CRYBG3: variants seen among roughly 807,000 people sequenced by gnomAD.
CRYBG3 encodes the protein very large A-kinase anchor protein.
Under a neutral mutation model 244.2 loss-of-function variants are expected in CRYBG3, and 127 were observed. The ratio of observed to expected loss-of-function variants is 0.52; its 90% CI spans 0.45 to 0.60. The LOEUF (loss-of-function observed/expected upper bound fraction) is 0.60. CRYBG3 is among the 20% of genes least tolerant of loss of function. CRYBG3 has a pLI of 0.00. For missense variants in CRYBG3, 3,325 were observed against 3,442.5 expected, an observed-to-expected ratio of 0.97 and a Z score of 0.85; for synonymous variants, 1,132 against 1,195.8, an observed-to-expected ratio of 0.95 and a Z score of 1.10.
chr3:97,934,700 TA>T (rs5851087), intron 18 of CRYBG3, among the ~76,000 whole-genome samples: 73,170 of 151,842 alleles, frequency 0.48, 17,998 homozygotes, highest in East Asian at 0.69. Context: ...TACACTTGTA[TA>T]AATAGCTTAA....
At chr3:97,860,868 C>T (rs934050041) in intron 2 of CRYBG3, among the ~76,000 whole-genome samples, 2 of 151,924 alleles carry the variant, frequency 1.3e-5, no homozygotes, top group Non-Finnish European at 2.9e-5. Flanking sequence ...CTGCGCACAT[C>T]GTATATTGCC....
intron 2 of CRYBG3, among the ~76,000 whole-genome samples, chr3:97,851,026 G>C (rs2038978643): frequency 6.6e-6 from 1 of 151,986 alleles, no homozygotes; most frequent in Non-Finnish European, 1.5e-5. Context: ...CCATTTACTT[G>C]GGAGGCTGAG....
At chr3:97,937,574 A>G (rs1342597403) in intron 19 of CRYBG3, among the ~76,000 whole-genome samples, 1 of 152,016 alleles carries the variant, frequency 6.6e-6, no homozygotes, top group Non-Finnish European at 1.5e-5. Flanking sequence ...CTTCTCTCCC[A>G]ATCTACATTA....
chr3:97,823,881 A>C (rs182582890), intron 1 of CRYBG3, among the ~76,000 whole-genome samples: 190 of 152,300 alleles, frequency 1.2e-3, no homozygotes, highest in African/African-American at 4.5e-3. Flanking sequence ...TTTTTAAGGC[A>C]CTTCTCAATT....
chr3:97,825,796 G>T (rs1302977789), intron 1 of CRYBG3, among the ~76,000 whole-genome samples: 2 of 152,184 alleles, frequency 1.3e-5, no homozygotes, highest in Non-Finnish European at 2.9e-5. Context: ...ATGAGCTGTG[G>T]TGTAGGAGGT....
chr3:97,872,286 C>G lies in CRYBG3; in HGVS notation c.1092C>G (p.His364Gln), dbSNP rs766238937. 1.4e-5 allele frequency: 22 copies of G among 1,535,546 alleles called. No homozygotes were observed. The highest frequency in any genetic ancestry group is 1.8e-5 in the Non-Finnish European group (21 of 1,146,590). ...SSYDGESDSQHHLSCEPVSQT... is the reference protein window; with the variant it reads ...SSYDGESDSQQHLSCEPVSQT... ...ACGATGGAGAATCTGACTCACAGCACCATTTAAGTTGTGAACCGGTTTCTC... is the reference window on the plus strand; with the variant it reads ...ACGATGGAGAATCTGACTCACAGCAGCATTTAAGTTGTGAACCGGTTTCTC... The change falls in exon 4 of 22, where the codon CAC becomes CAG. Residue 364 changes from histidine to glutamine, a missense_variant. Transcript: ENST00000389622.
chr3:97,911,459 A>C (rs1270468736), intron 15 of CRYBG3, among the ~76,000 whole-genome samples: 2 of 152,238 alleles, frequency 1.3e-5, no homozygotes, highest in East Asian at 3.8e-4. Flanking sequence ...TTTCTTGACA[A>C]AATTGACTAA....
At position 97,873,365 on chromosome 3, in the gene CRYBG3, A is replaced by G; in HGVS notation, c.2171A>G (p.Glu724Gly). The G allele has an allele frequency of 6.5e-7, 1 of 1,535,926 alleles. No individual in the cohort carries two copies. The highest frequency in any genetic ancestry group is 8.7e-7 in the Non-Finnish European group (1 of 1,146,810). ...AGTCCTCCTCCTTCCTTTTGCCTTG[A>G]ATATACATCTGCAATTTTTGAATTC... Reference protein sequence around the residue: ...RKSPPPSFCLEYTSAIFEFKE... With the variant: ...RKSPPPSFCLGYTSAIFEFKE... Residue 724 changes from glutamate to glycine, a missense_variant, in exon 4 of 22, where the codon GAA becomes GGA. Glu to Gly is a moderately conservative substitution (Grantham distance 98). Transcript: ENST00000389622.
Position 97,822,031 on chromosome 3 carries a change from G to T in CRYBG3, c.-176G>T, listed in dbSNP as rs972826674. ...GCAGCGGCGTGAGGAGCTGCCGCGC[G>T]AGGAGCGCGTCGCGTCCGCACTTCT... On this transcript the variant is annotated 5_prime_UTR_variant, in exon 1 of 22. Transcript: ENST00000389622. The T allele has an allele frequency of 2.0e-5, 9 of 448,314 alleles. No homozygotes were observed. Among genetic ancestry groups the T allele is most frequent in the East Asian group, 1.1e-4 (3 of 28,028 alleles). 27.8% of individuals were successfully genotyped at this position (448,314 alleles called of 1,614,324 possible).
chr3:97,884,181 C>T (rs921443388), intron 7 of CRYBG3, among the ~76,000 whole-genome samples: 1 of 152,046 alleles, frequency 6.6e-6, no homozygotes, highest in African/African-American at 2.4e-5. Context: ...ACAGGTATAG[C>T]GAATAACCTC....
chr3:97,936,991 T>A, intron 19 of CRYBG3, 83 bp downstream of exon 19: 1 of 1,474,394 alleles, frequency 6.8e-7, no homozygotes, highest in South Asian at 1.3e-5. Flanking sequence ...GAAATAATGA[T>A]CATTTAATTT....
chr3:97,922,404 C>A (rs1390483353), intron 17 of CRYBG3, among the ~76,000 whole-genome samples: 1 of 152,132 alleles, frequency 6.6e-6, no homozygotes, highest in Non-Finnish European at 1.5e-5. Context: ...AGCAGGCAAC[C>A]TACAGAATGG....
chr3:97,941,432 A>C (rs773772460), intron 20 of CRYBG3, 126 bp downstream of exon 20: 17 of 606,716 alleles, frequency 2.8e-5, no homozygotes, highest in Non-Finnish European at 4.7e-5. Flanking sequence ...GTTGATTATA[A>C]AAATACTGCC....
At chr3:97,943,141 AGCT>A (rs2040268879) in intron 21 of CRYBG3, 82 bp from the exon 22 acceptor site, 15 of 730,722 alleles carry the variant, frequency 2.1e-5, no homozygotes, top group Non-Finnish European at 3.3e-5. Flanking sequence ...CGAAATGGTG[AGCT>A]GAACAGAAGC....
Position 97,876,836 on chromosome 3 carries a change from C to T in CRYBG3, c.5642C>T (p.Thr1881Ile). The change falls in exon 4 of 22, where the codon ACT becomes ATT. Residue 1881 changes from threonine to isoleucine, a missense_variant. This residue lies in a region of CRYBG3 where 635 missense variants were observed against 771.7 expected (regional missense o/e 0.82). Transcript: ENST00000389622. ...KIHGTGLELT[T>I]KQGEAMLPAF... ...CATGGAACAGGACTAGAATTGACCA[C>T]TAAACAAGGGGAGGCCATGCTTCCT... The T allele has an allele frequency of 7.3e-7, 1 of 1,373,222 alleles. No individual in the cohort carries two copies. Among genetic ancestry groups the T allele is most frequent in the South Asian group, 2.2e-5 (1 of 46,098 alleles). The allele number at this position is 1,373,222 out of a possible 1,614,324, so 85.1% of individuals were successfully genotyped here.
chr3:97,943,411 C>T lies in CRYBG3; in HGVS notation c.*97C>T. Reference sequence around the variant, plus strand: ...CGTGGAAAGGAAGCTACTGTCCTCACACTCCTGGATCACTGAGCAGAATGA... The same window carrying T: ...CGTGGAAAGGAAGCTACTGTCCTCATACTCCTGGATCACTGAGCAGAATGA... On this transcript the variant is annotated 3_prime_UTR_variant, in exon 22 of 22. Coordinates refer to ENST00000389622, the MANE Select transcript of CRYBG3 (RefSeq NM_153605.4). 1.4e-6 allele frequency: 1 copy of T among 720,560 alleles called. No homozygotes were observed. Among genetic ancestry groups the T allele is most frequent in the Non-Finnish European group, 2.4e-6 (1 of 411,760 alleles). 44.6% of individuals were successfully genotyped at this position (720,560 alleles called of 1,614,324 possible).
At chr3:97,824,086 A>G (rs1280546453) in intron 1 of CRYBG3, among the ~76,000 whole-genome samples, 1 of 152,230 alleles carries the variant, frequency 6.6e-6, no homozygotes, top group African/African-American at 2.4e-5. Context: ...GGGATAGCAG[A>G]TGACCCTTTA....
At chr3:97,835,254 G>A (rs2038716644) in intron 1 of CRYBG3, among the ~76,000 whole-genome samples, 1 of 151,918 alleles carries the variant, frequency 6.6e-6, no homozygotes, top group Non-Finnish European at 1.5e-5. Context: ...TAATGGGGAG[G>A]GCAGAAAATA....
intron 3 of CRYBG3, among the ~76,000 whole-genome samples, chr3:97,865,709 C>A (rs1256403319): frequency 1.3e-5 from 2 of 152,010 alleles, no homozygotes; most frequent in Non-Finnish European, 2.9e-5. Context: ...AATTTGAACC[C>A]TAGAATATGA....
Sources: gnomAD v4.1 joint callset for allele counts (sites outside exome capture counted in the v4.1 genomes callset) on GRCh38, gnomAD v4.1.1 for gene constraint, gnomAD v4.1.1 regional missense constraint, MANE v1.5 for transcripts, NCBI Gene and HGNC (gene_info 2026-07-23, HGNC 2026-07-21) for gene names.